ATL2: variants seen among roughly 807,000 people sequenced by gnomAD.
ATL2 encodes the protein atlastin GTPase 2, also known as atlastin-2.
Under a neutral mutation model 73.9 loss-of-function variants are expected in ATL2, and 31 were observed. The observed-to-expected ratio is 0.42, with a 90% CI of 0.32 to 0.57. The LOEUF (loss-of-function observed/expected upper bound fraction) is 0.57. Ranked by LOEUF, ATL2 falls within the 20% of genes least tolerant of loss-of-function variation. The pLI is 0.14. For missense variants in ATL2, 738 were observed against 702.6 expected (o/e 1.05, Z -0.57); for synonymous variants, 291 against 237.5 (o/e 1.23, Z -2.07).
intron 2 of ATL2, among the ~76,000 whole-genome samples, chr2:38,332,398 G>C (rs1422044750): frequency 6.6e-6 from 1 of 152,030 alleles, no homozygotes; most frequent in Non-Finnish European, 1.5e-5. Flanking sequence ...TAGAGATGGA[G>C]TCTCCCTATG....
At chr2:38,338,302 C>A (rs1669490945) in intron 2 of ATL2, among the ~76,000 whole-genome samples, 1 of 150,194 alleles carries the variant, frequency 6.7e-6, no homozygotes, top group Non-Finnish European at 1.5e-5. Flanking sequence ...ACGGGGAGTA[C>A]TAGAGGGGAG....
At chr2:38,378,440 T>G (rs1378804181), upstream of ATL2, among the ~76,000 whole-genome samples, 1 of 152,176 alleles carries the variant, frequency 6.6e-6, no homozygotes, top group African/African-American at 2.4e-5. Flanking sequence ...GATTTCACCA[T>G]CTTGGCCAGG....
At chr2:38,373,369 T>C (rs1462432207) in intron 1 of ATL2, among the ~76,000 whole-genome samples, 1 of 152,250 alleles carries the variant, frequency 6.6e-6, no homozygotes, top group Non-Finnish European at 1.5e-5. Flanking sequence ...AAGTGGTTGT[T>C]TGGGGACCAA....
At chr2:38,325,817 T>A (rs2148451397) in intron 2 of ATL2, among the ~76,000 whole-genome samples, 1 of 150,232 alleles carries the variant, frequency 6.7e-6, no homozygotes, top group Admixed American at 6.7e-5. Context: ...CAGAGCTTTA[T>A]CTGACCCTAG....
chr2:38,342,047 T>C (rs1190985367), intron 2 of ATL2, among the ~76,000 whole-genome samples: 1 of 152,136 alleles, frequency 6.6e-6, no homozygotes, highest in East Asian at 1.9e-4. Flanking sequence ...CTGTTCCCTT[T>C]CAAACTCCCA....
In ATL2 at chr2:38,338,985, C is replaced by T. The variant is rs374428582; in HGVS notation, c.363+4283G>A. 7.4e-4 allele frequency among the ~76,000 whole-genome samples: 113 copies of T among 152,160 alleles called. 1 individual carries two copies. In the South Asian group the frequency reaches 8.5e-3, roughly 11 times the overall value. On this transcript the variant is annotated intron_variant, in intron 2 of 12. Coordinates refer to ENST00000378954, the MANE Select transcript of ATL2 (RefSeq NM_001135673.4). ...ATACCAGCACTTTGGGAGGCTGAGG[C>T]GGGCAGAATCACCTGAGGTCAGGAG...
upstream of ATL2, among the ~76,000 whole-genome samples, chr2:38,378,334 G>A (rs571969429): frequency 1.4e-3 from 209 of 152,260 alleles, 3 homozygotes; most frequent in African/African-American, 4.8e-3. Context: ...CACGCCTCCC[G>A]GGTTCAAGCA....
chr2:38,343,246 T>C (rs1333579174), intron 2 of ATL2, 22 bp downstream of exon 2: 20 of 1,551,878 alleles, frequency 1.3e-5, no homozygotes, highest in Non-Finnish European at 1.7e-5. Flanking sequence ...TTTAATTGGG[T>C]TCAATTTAAA....
intron 2 of ATL2, among the ~76,000 whole-genome samples, chr2:38,332,927 T>C (rs1336995901): frequency 1.3e-5 from 2 of 152,182 alleles, no homozygotes; most frequent in Non-Finnish European, 2.9e-5. Context: ...CAATGGCACA[T>C]GTCTTGTAAG....
intron 1 of ATL2, chr2:38,359,506 G>A (rs1307048505): frequency 6.6e-6 from 1 of 151,054 alleles, no homozygotes; most frequent in Non-Finnish European, 1.5e-5. Context: ...GCTTTAAAGA[G>A]TATATAATAC....
At chr2:38,362,323 CA>C (rs1173749421) in intron 1 of ATL2, among the ~76,000 whole-genome samples, 2 of 152,082 alleles carry the variant, frequency 1.3e-5, no homozygotes, top group Non-Finnish European at 2.9e-5. Context: ...TATCACGGGG[CA>C]AAAAACTGCT....
chr2:38,303,903 G>A (rs1011028800), intron 9 of ATL2, among the ~76,000 whole-genome samples: 3 of 152,112 alleles, frequency 2.0e-5, no homozygotes, highest in African/African-American at 4.8e-5. Flanking sequence ...AGGTCAAGGT[G>A]GGGGAACTGC....
chr2:38,310,648 T>C (rs901622252), intron 7 of ATL2, among the ~76,000 whole-genome samples: 2 of 150,622 alleles, frequency 1.3e-5, no homozygotes, highest in African/African-American at 4.9e-5. Context: ...TTTTTTTTTT[T>C]TTTTTAAAGA....
chr2:38,322,404 A>G (rs1668376693), intron 2 of ATL2, among the ~76,000 whole-genome samples: 1 of 152,178 alleles, frequency 6.6e-6, no homozygotes. Context: ...TTGGTACTCT[A>G]AGTATTTCTT....
chr2:38,316,155 G>A (rs1384906406), intron 4 of ATL2, among the ~76,000 whole-genome samples: 1 of 152,196 alleles, frequency 6.6e-6, no homozygotes, highest in Non-Finnish European at 1.5e-5. Context: ...TCTGTTCTAG[G>A]AGCAAATAAG....
rs541864958 is a variant in ATL2, at chr2:38,297,729, C to T, written c.1632+415G>A. On this transcript the variant is annotated intron_variant, in intron 12 of 12. Transcript: ENST00000378954. ...CAATGAAGACCTGTCTACCATCCAG[C>T]ATTTCTCCTGCATTGCTGCTTGCCA... Among the ~76,000 whole-genome samples the T allele has an allele frequency of 2.4e-3, 363 of 152,292 alleles. 2 individuals carry two copies. Among genetic ancestry groups the T allele is most frequent in the African/African-American group, 8.4e-3 (351 of 41,562 alleles).
At position 38,371,823 on chromosome 2, in the gene ATL2, C is replaced by T. The variant is rs904451322; in HGVS notation, c.118+5320G>A. Among the ~76,000 whole-genome samples the T allele has an allele frequency of 2.0e-5, 3 of 151,936 alleles. No homozygotes were observed. The East Asian group carries it at 5.9e-4, about 30-fold the overall frequency. On this transcript the variant is annotated intron_variant, in intron 1 of 12. Coordinates refer to ENST00000378954, the MANE Select transcript of ATL2 (RefSeq NM_001135673.4). Reference sequence around the variant, plus strand: ...GAGGCACAAGAATCGCTTGAACCCACGAGGTGGAGATTGCAGTGAGCCAAG... The same window carrying T: ...GAGGCACAAGAATCGCTTGAACCCATGAGGTGGAGATTGCAGTGAGCCAAG...
chr2:38,363,266 A>G (rs1440627488), intron 1 of ATL2, among the ~76,000 whole-genome samples: 1 of 151,990 alleles, frequency 6.6e-6, no homozygotes, highest in Non-Finnish European at 1.5e-5. Flanking sequence ...TTATTATCAA[A>G]TGAGCATGTC....
chr2:38,320,389 A>G (rs759715756), intron 2 of ATL2, among the ~76,000 whole-genome samples: 8 of 152,192 alleles, frequency 5.3e-5, no homozygotes, highest in African/African-American at 1.9e-4. Context: ...TCCGGGAGGT[A>G]AGGAAAAAAG....
Sources: gnomAD v4.1 joint callset for allele counts (sites outside exome capture counted in the v4.1 genomes callset) on GRCh38, gnomAD v4.1.1 for gene constraint, MANE v1.5 for transcripts, NCBI Gene and HGNC (gene_info 2026-07-23, HGNC 2026-07-21) for gene names.